The following FAM169A variants were observed in gnomAD, a reference collection of about 807,000 sequenced individuals.
The protein encoded by FAM169A is family with sequence similarity 169 member A.
In FAM169A, 24 loss-of-function variants were observed where a neutral mutation model predicts 75.7. The ratio of observed to expected loss-of-function variants is 0.32; its 90% CI spans 0.23 to 0.45. The LOEUF is 0.45. FAM169A is among the 20% of genes least tolerant of loss of function. FAM169A has a pLI of 1.00. For synonymous variants in FAM169A, 271 were observed against 271.0 expected, an observed-to-expected ratio of 1.00 and a Z score of 0.00; for missense variants, 673 against 784.0, an observed-to-expected ratio of 0.86 and a Z score of 1.69.
At chr5:74,806,907 T>C (rs1011016143) in intron 6 of FAM169A, among the ~76,000 whole-genome samples, 4 of 152,142 alleles carry the variant, frequency 2.6e-5, no homozygotes, top group Non-Finnish European at 4.4e-5. Flanking sequence ...AAGATAAAGA[T>C]GATAAACCTC....
At chr5:74,848,846 T>C (rs898760789) in intron 1 of FAM169A, 3 of 152,160 alleles carry the variant, frequency 2.0e-5, no homozygotes, top group East Asian at 1.9e-4. Context: ...GAGAGAAATA[T>C]AGGTTGCTAT....
intron 5 of FAM169A, among the ~76,000 whole-genome samples, chr5:74,819,027 G>A (rs1340680495): frequency 1.3e-5 from 2 of 151,866 alleles, no homozygotes; most frequent in Non-Finnish European, 2.9e-5. Context: ...CAAGACCGGC[G>A]TGGCCAACAT....
At chr5:74,783,626 T>G (rs145626766) in intron 11 of FAM169A, among the ~76,000 whole-genome samples, 15 of 152,280 alleles carry the variant, frequency 9.9e-5, no homozygotes, top group African/African-American at 3.6e-4. Context: ...GAAGTTCAGT[T>G]TGGGTGCTGC....
At chr5:74,809,025 A>G (rs1747030740) in intron 6 of FAM169A, among the ~76,000 whole-genome samples, 1 of 152,166 alleles carries the variant, frequency 6.6e-6, no homozygotes, top group Non-Finnish European at 1.5e-5. Flanking sequence ...GCTGGAGAAA[A>G]CCAACACAAC....
At chr5:74,846,811 T>C (rs62366455) in intron 1 of FAM169A, among the ~76,000 whole-genome samples, 35,225 of 152,090 alleles carry the variant, frequency 0.23, 4,300 homozygotes, top group Middle Eastern at 0.3. Context: ...AATCCTTCCG[T>C]CTCAGCCTCC....
chr5:74,864,976 A>G (rs1176812271), intron 1 of FAM169A, among the ~76,000 whole-genome samples: 1 of 145,186 alleles, frequency 6.9e-6, no homozygotes. Context: ...TGCAAAGATC[A>G]TCTGTACATC....
At position 74,826,451 on chromosome 5, in the gene FAM169A, G is replaced by T. The variant is rs181339116; in HGVS notation, c.490+7975C>A. Among the ~76,000 whole-genome samples the T allele has an allele frequency of 5.3e-5, 8 of 152,192 alleles. No individual in the cohort carries two copies. In the East Asian group the frequency reaches 1.5e-3, roughly 29 times the overall value. Reference sequence around the variant, plus strand: ...TTTCCTAGGGGAACCATTTATATTGGTATTTTTAGTTTCTTTTTTCTTTTG... The same window carrying T: ...TTTCCTAGGGGAACCATTTATATTGTTATTTTTAGTTTCTTTTTTCTTTTG... On this transcript the variant is annotated intron_variant, in intron 5 of 12. Coordinates refer to ENST00000687041, the MANE Select transcript of FAM169A (RefSeq NM_001376049.1).
In FAM169A at chr5:74,852,381, G is replaced by C. The variant is rs1749488554; in HGVS notation, c.-3-10702C>G. Among the ~76,000 whole-genome samples the C allele has an allele frequency of 3.3e-5, 5 of 152,254 alleles. No homozygotes were observed. In the South Asian group the frequency reaches 8.3e-4, roughly 25 times the overall value. On this transcript the variant is annotated intron_variant, in intron 1 of 12. Coordinates refer to ENST00000687041, the MANE Select transcript of FAM169A (RefSeq NM_001376049.1). ...AGGTGGGCTTATTTACCCAGATTCAGTACAATTCTTACCTCTCATTGGCAG... is the reference window on the plus strand; with the variant it reads ...AGGTGGGCTTATTTACCCAGATTCACTACAATTCTTACCTCTCATTGGCAG...
intron 5 of FAM169A, among the ~76,000 whole-genome samples, chr5:74,830,329 CTTT>C (rs1487314393): frequency 2.0e-5 from 3 of 152,128 alleles, no homozygotes; most frequent in African/African-American, 7.2e-5. Context: ...CAATAAATAC[CTTT>C]TATTACTAGT....
rs753403538 is a variant in FAM169A, at chr5:74,805,244, T to A, written c.711A>T (p.Glu237Asp). Residue 237 changes from glutamate (E) to aspartate (D), a missense_variant, in exon 7 of 13, where the codon GAA becomes GAT. Glu to Asp is a conservative substitution (Grantham distance 45). Around this residue, in one of 3 missense-constraint regions of FAM169A, gnomAD observed 510 missense variants for 550.9 expected, o/e 0.93. Transcript: ENST00000687041. The stretch of plus-strand genomic sequence containing the variant: ...CAACACCTTCAACTTCCCAAAGGAG[T>A]TCATGGTCTCCTGGATACTTCTCAA... ...QYFEKYPGDH[E>D]LLWEVEGVGH... The A allele has an allele frequency of 6.2e-7, 1 of 1,613,552 alleles. No homozygotes were observed. The highest frequency in any genetic ancestry group is 8.5e-7 in the Non-Finnish European group (1 of 1,179,590).
chr5:74,810,974 ATT>A lies in FAM169A; in HGVS notation c.670+2864_670+2865del, dbSNP rs764689046. ...TACAGGCGCACACCACTAGGCCTGG[ATT>A]TTTTTTTTTTTTTTTTTTTTCCTTC... On this transcript the variant is annotated intron_variant, in intron 6 of 12. Coordinates refer to ENST00000687041, the MANE Select transcript of FAM169A (RefSeq NM_001376049.1). Among the ~76,000 whole-genome samples, 235 of 99,842 alleles carry A rather than the reference ATT, an allele frequency of 2.4e-3. 2 individuals carry two copies. The highest frequency in any genetic ancestry group is 9.1e-3 in the African/African-American group (223 of 24,464). 65.5% of individuals were successfully genotyped at this position (99,842 alleles called of 152,430 possible). A position where few individuals can be genotyped will look rare whatever the true frequency, so the allele number is the denominator to read the frequency against.
At chr5:74,859,701 A>G (rs1168522339) in intron 1 of FAM169A, among the ~76,000 whole-genome samples, 1 of 152,114 alleles carries the variant, frequency 6.6e-6, no homozygotes, top group Non-Finnish European at 1.5e-5. Flanking sequence ...TTTTTTTTAA[A>G]TAAGGAAGCA....
intron 4 of FAM169A, among the ~76,000 whole-genome samples, chr5:74,835,902 C>A (rs936653530): frequency 6.6e-6 from 1 of 152,178 alleles, no homozygotes; most frequent in African/African-American, 2.4e-5. Flanking sequence ...TGATATTCTG[C>A]AGCCACATAG....
chr5:74,855,077 C>G (rs1749640813), intron 1 of FAM169A, among the ~76,000 whole-genome samples: 1 of 152,176 alleles, frequency 6.6e-6, no homozygotes, highest in Non-Finnish European at 1.5e-5. Context: ...TTCCCACCAA[C>G]AGTGTATGAG....
intron 1 of FAM169A, among the ~76,000 whole-genome samples, chr5:74,858,724 C>T (rs1391437013): frequency 1.3e-5 from 2 of 151,832 alleles, no homozygotes; most frequent in South Asian, 2.1e-4. Context: ...CATGTCCTCC[C>T]GAACCTAAAA....
chr5:74,800,248 A>C (rs1746500238), intron 10 of FAM169A: 1 of 224,480 alleles, frequency 4.5e-6, no homozygotes, highest in South Asian at 7.2e-5. Context: ...GTTTTTTAAA[A>C]GCAATGTTTT....
rs971713776 is a variant in FAM169A, at chr5:74,782,476, A to G, written c.1464+455T>C. Among the ~76,000 whole-genome samples, 4 of 152,320 alleles carry G rather than the reference A, an allele frequency of 2.6e-5. No homozygotes were observed. The East Asian group carries it at 7.7e-4, about 29-fold the overall frequency. On this transcript the variant is annotated intron_variant, in intron 12 of 12. Transcript: ENST00000687041. ...AGGTGAGACACTAATAATGCCATACAACAGTTTTTTAGCCATAAGTTGTAA... is the reference window on the plus strand; with the variant it reads ...AGGTGAGACACTAATAATGCCATACGACAGTTTTTTAGCCATAAGTTGTAA...
intron 11 of FAM169A, among the ~76,000 whole-genome samples, chr5:74,785,164 C>G (rs1250003252): frequency 6.7e-6 from 1 of 148,774 alleles, no homozygotes; most frequent in Non-Finnish European, 1.5e-5. Flanking sequence ...ACTAAAAATA[C>G]AAAAATTAGC....
intron 5 of FAM169A, among the ~76,000 whole-genome samples, chr5:74,832,153 T>G (rs955973810): frequency 6.6e-6 from 1 of 152,020 alleles, no homozygotes; most frequent in African/African-American, 2.4e-5. Context: ...GCAGAATTGT[T>G]TGAAAATATA....
Sources: allele counts gnomAD v4.1 joint callset (sites outside exome capture counted in the v4.1 genomes callset), GRCh38; gene constraint gnomAD v4.1.1; regional missense constraint gnomAD v4.1.1; transcripts MANE v1.5; gene names NCBI Gene and HGNC (gene_info 2026-07-23, HGNC 2026-07-21).